ZNF467: variants seen among roughly 807,000 people sequenced by gnomAD.
ZNF467 encodes the protein zinc finger protein 467.
In ZNF467, 51 loss-of-function variants were observed where a neutral mutation model predicts 47.8. The ratio of observed to expected loss-of-function variants is 1.07; its 90% CI spans 0.85 to 1.35. The LOEUF is 1.35. Ranked by LOEUF, ZNF467 falls within the 40% of genes most tolerant of loss-of-function variation. The probability of loss-of-function intolerance (pLI) is 0.00; values close to 1 mark genes in which losing one functional copy is unlikely to be tolerated. For missense variants in ZNF467, 992 were observed against 858.1 expected (o/e 1.16, Z -1.95); for synonymous variants, 416 against 372.9 (o/e 1.12, Z -1.33).
In ZNF467 at chr7:149,765,475, G is replaced by C. The variant is rs200684067; in HGVS notation, c.1027C>G (p.Pro343Ala). 3.9e-5 allele frequency: 62 copies of C among 1,586,262 alleles called. No individual in the cohort carries two copies. In the East Asian group the frequency reaches 1.3e-3, roughly 32 times the overall value. ...DSSASPHSTA[P>A]SPTPSFPGPK... The stretch of plus-strand genomic sequence containing the variant: ...CCGGGAAAGGATGGGGTCGGGGACG[G>C]GGCAGTGGAATGAGGAGAAGCGGAC... Residue 343 changes from proline to alanine, a missense_variant, in exon 5 of 5, where the codon CCG becomes GCG. Coordinates refer to ENST00000302017, the MANE Select transcript of ZNF467 (RefSeq NM_207336.3).
rs866436312 is a variant in ZNF467, at chr7:149,771,889, G to C, written c.-42-815C>G. ...CCGAGCCCGGCAGGGCCAACCCCTC[G>C]AGGCCCCGTCCGGGTCGGCCCTCCG... On this transcript the variant is annotated intron_variant, in intron 1 of 4. Transcript: ENST00000302017. Among the ~76,000 whole-genome samples, 284 of 85,836 alleles carry C rather than the reference G, an allele frequency of 3.3e-3. 2 individuals are homozygous for C. Among genetic ancestry groups the C allele is most frequent in the African/African-American group, 0.013 (274 of 21,122 alleles). The allele number at this position is 85,836 out of a possible 152,430, so 56.3% of individuals were successfully genotyped here. A position where few individuals can be genotyped will look rare whatever the true frequency, so the allele number is the denominator to read the frequency against.
chr7:149,771,197 A>T (rs888530267), intron 1 of ZNF467, 123 bp from the exon 2 acceptor site: 2 of 729,614 alleles, frequency 2.7e-6, no homozygotes, highest in Non-Finnish European at 4.5e-6. Flanking sequence ...CCCCAGGTAC[A>T]GCTGGGGGAA....
At chr7:149,773,902 G>A (rs1254444651), upstream of ZNF467, among the ~76,000 whole-genome samples, 7 of 152,172 alleles carry the variant, frequency 4.6e-5, no homozygotes, top group Non-Finnish European at 1.0e-4. Context: ...AACCAGCCGC[G>A]GGAGCCGTGG....
At chr7:149,768,338 C>A (rs1799284061) in intron 4 of ZNF467, among the ~76,000 whole-genome samples, 1 of 152,198 alleles carries the variant, frequency 6.6e-6, no homozygotes, top group African/African-American at 2.4e-5. Context: ...TTCTCGAGGA[C>A]CAACTGTAGA....
chr7:149,775,742 CACACACACACACAA>C (rs1799555396), upstream of ZNF467, among the ~76,000 whole-genome samples: 2 of 134,750 alleles, frequency 1.5e-5, no homozygotes, highest in African/African-American at 3.2e-5. Context: ...CACACACACA[CACACACACACACAA>C]AGGGAAACAG....
chr7:149,773,057 T>A (rs990186103), intron 1 of ZNF467, 51 bp downstream of exon 1: 32 of 148,104 alleles, frequency 2.2e-4, no homozygotes, highest in African/African-American at 7.3e-4. Context: ...ACCGCGGCGC[T>A]GAGGGAGACG....
chr7:149,766,555 C>G (rs1008253198), intron 4 of ZNF467, among the ~76,000 whole-genome samples: 2 of 152,228 alleles, frequency 1.3e-5, no homozygotes, highest in African/African-American at 4.8e-5. Context: ...GTTCACATCC[C>G]TTTGGTGGCT....
At chr7:149,775,083 C>T (rs539577330), upstream of ZNF467, among the ~76,000 whole-genome samples, 4 of 152,236 alleles carry the variant, frequency 2.6e-5, no homozygotes, top group South Asian at 4.1e-4. Context: ...CCCTCCCAGC[C>T]GGATTCTCGG....
In ZNF467 at chr7:149,765,906, TG is replaced by T. The variant is rs766043573; in HGVS notation, c.595del (p.Gln199SerfsTer33). 129 of 1,566,062 alleles carry T rather than the reference TG, an allele frequency of 8.2e-5. No homozygotes were observed. Among genetic ancestry groups the T allele is most frequent in the Non-Finnish European group, 1.1e-4 (127 of 1,156,652 alleles). Reference protein sequence around the residue: ...ACPDCGRSFTQRAHMLLHQRS... With the variant: ...ACPDCGRSFTXRAHMLLHQRS... Reference sequence around the variant, plus strand: ...CTGATGCAGTAGCATGTGGGCGCGCTGCGTGAAGCTGCGGCCGCAGTCCGGG... The same window carrying T: ...CTGATGCAGTAGCATGTGGGCGCGCTCGTGAAGCTGCGGCCGCAGTCCGGG... On this transcript the variant is annotated frameshift_variant, in exon 5 of 5. Transcript: ENST00000302017. LOFTEE classifies it high-confidence loss of function.
intron 3 of ZNF467, among the ~76,000 whole-genome samples, chr7:149,770,105 C>T (rs542521417): frequency 5.2e-4 from 78 of 150,132 alleles, no homozygotes; most frequent in Non-Finnish European, 8.9e-4. Context: ...CTTCAACCTG[C>T]TTCACTGGAC....
In ZNF467 at chr7:149,764,192, A is replaced by C; in HGVS notation, c.*522T>G. 3.7e-6 allele frequency: 1 copy of C among 270,132 alleles called. No individual in the cohort carries two copies. Among genetic ancestry groups the C allele is most frequent in the Non-Finnish European group, 6.9e-6 (1 of 145,294 alleles). The allele number at this position is 270,132 out of a possible 1,614,324, so 16.7% of individuals were successfully genotyped here. On this transcript the variant is annotated 3_prime_UTR_variant, in exon 5 of 5. Coordinates refer to ENST00000302017, the MANE Select transcript of ZNF467 (RefSeq NM_207336.3). ...AGCCAGGATGGTGGCTTAGTGAATA[A>C]ATATATTACATTTTTATTTGGGAGA...
chr7:149,764,608 C>T lies in ZNF467; in HGVS notation c.*106G>A, dbSNP rs1246302940. 4 of 1,546,052 alleles carry T rather than the reference C, an allele frequency of 2.6e-6. No individual in the cohort carries two copies. In the East Asian group the frequency reaches 9.8e-5, roughly 38 times the overall value. On this transcript the variant is annotated 3_prime_UTR_variant, in exon 5 of 5. Transcript: ENST00000302017. ...GAAGGAAACAGGTGTCCCGCGGCGG[C>T]CAAACCTTCGGGCAGCAGCCCAGGT...
chr7:149,769,205 C>A lies in ZNF467; in HGVS notation c.152-5G>T. On this transcript the variant is annotated splice_region_variant and splice_polypyrimidine_tract_variant and intron_variant, in intron 3 of 4. Coordinates refer to ENST00000302017, the MANE Select transcript of ZNF467 (RefSeq NM_207336.3). The surrounding 1 kb of genome is among the most constrained non-coding windows in gnomAD (Gnocchi z 5.3). ...CCGGTGTAGGGGCCTCGTGCCCTGG[C>A]AGAGAATAGGATACCTCAAGGACTC... is the stretch of plus-strand genomic sequence containing the variant. 6.4e-7 allele frequency: 1 copy of A among 1,551,624 alleles called. No individual in the cohort carries two copies. The highest frequency in any genetic ancestry group is 8.7e-7 in the Non-Finnish European group (1 of 1,147,092).
rs1035669853 is a variant in ZNF467, at chr7:149,769,247, G to C, written c.152-47C>G. ...CAAGGACTCTGGAGACATCACAGAT[G>C]GCCAAAGGGCCCCACTGGTGCTGGG... On this transcript the variant is annotated intron_variant, in intron 3 of 4. Transcript: ENST00000302017. The surrounding 1 kb of genome is among the most constrained non-coding windows in gnomAD (Gnocchi z 5.3). The C allele has an allele frequency of 5.4e-6, 8 of 1,480,840 alleles. No individual in the cohort carries two copies. The Admixed American group carries it at 1.2e-4, about 21-fold the overall frequency. 91.7% of individuals were successfully genotyped at this position (1,480,840 alleles called of 1,614,324 possible).
intron 2 of ZNF467, 112 bp downstream of exon 2, chr7:149,770,887 C>T: frequency 4.3e-6 from 6 of 1,388,436 alleles, no homozygotes; most frequent in Non-Finnish European, 5.1e-6. Flanking sequence ...ACCTACAGGC[C>T]CCTGGGGCCT....
chr7:149,774,146 T>TG (rs1799513191), upstream of ZNF467, among the ~76,000 whole-genome samples: 1 of 151,244 alleles, frequency 6.6e-6, no homozygotes, highest in Admixed American at 6.6e-5. This position sits in a 1 kb window ranked among gnomAD's most constrained non-coding sequence, Gnocchi z 5.7. Flanking sequence ...AGACGATTGC[T>TG]GGGGGGCCTG....
chr7:149,774,727 AG>A (rs1238755991), upstream of ZNF467, among the ~76,000 whole-genome samples: 1 of 152,004 alleles, frequency 6.6e-6, no homozygotes, highest in Non-Finnish European at 1.5e-5. The surrounding 1 kb of genome is among the most constrained non-coding windows in gnomAD (Gnocchi z 5.7). Flanking sequence ...AAAACAGGAA[AG>A]GGGGGTGTCT....
intron 4 of ZNF467, among the ~76,000 whole-genome samples, chr7:149,766,468 C>G (rs1799226622): frequency 6.6e-6 from 1 of 152,222 alleles, no homozygotes; most frequent in South Asian, 2.1e-4. Flanking sequence ...CTTCCCCGGC[C>G]TGGATGTGCC....
At position 149,769,244 on chromosome 7, in the gene ZNF467, G is replaced by C. The variant is rs140317564; in HGVS notation, c.152-44C>G. On this transcript the variant is annotated intron_variant, in intron 3 of 4. Coordinates refer to ENST00000302017, the MANE Select transcript of ZNF467 (RefSeq NM_207336.3). This position sits in a 1 kb window ranked among gnomAD's most constrained non-coding sequence, Gnocchi z 5.3. The stretch of plus-strand genomic sequence containing the variant: ...CCTCAAGGACTCTGGAGACATCACA[G>C]ATGGCCAAAGGGCCCCACTGGTGCT... The C allele has an allele frequency of 1.9e-4, 281 of 1,498,836 alleles. 2 individuals carry two copies. The African/African-American group carries it at 3.4e-3, about 18-fold the overall frequency. 92.8% of individuals were successfully genotyped at this position (1,498,836 alleles called of 1,614,324 possible). A position where few individuals can be genotyped will look rare whatever the true frequency, so the allele number is the denominator to read the frequency against.
Sources: allele counts gnomAD v4.1 joint callset (sites outside exome capture counted in the v4.1 genomes callset), GRCh38; gene constraint gnomAD v4.1.1; non-coding constraint Gnocchi (gnomAD v3.1); transcripts MANE v1.5; gene names NCBI Gene and HGNC (gene_info 2026-07-23, HGNC 2026-07-21).